EGF: variants seen among roughly 807,000 people sequenced by gnomAD.
The protein encoded by EGF is epidermal growth factor.
In EGF, 95 loss-of-function variants were observed where a neutral mutation model predicts 143.8. The ratio of observed to expected loss-of-function variants is 0.66; its 90% CI spans 0.56 to 0.78. The LOEUF (loss-of-function observed/expected upper bound fraction) is 0.78. Among genes scored for constraint, EGF ranks in the 30% least tolerant of loss-of-function variants. The pLI is 0.00. For synonymous variants in EGF, 510 were observed against 510.5 expected, an observed-to-expected ratio of 1.00 and a Z score of 0.01; for missense variants, 1,320 against 1,470.9, an observed-to-expected ratio of 0.90 and a Z score of 1.68.
intron 1 of EGF, among the ~76,000 whole-genome samples, chr4:109,939,263 C>T (rs543994633): frequency 3.0e-4 from 46 of 152,340 alleles, no homozygotes; most frequent in African/African-American, 1.1e-3. Flanking sequence ...TCCCTCCCTC[C>T]ACCAAGCTTT....
intron 22 of EGF, among the ~76,000 whole-genome samples, chr4:110,007,784 C>T (rs1753503921): frequency 6.6e-6 from 1 of 152,110 alleles, no homozygotes; most frequent in Non-Finnish European, 1.5e-5. Context: ...TTGTAGCACA[C>T]ACATATATTA....
At chr4:109,952,616 ATTAGT>A (rs1269887291) in intron 5 of EGF, among the ~76,000 whole-genome samples, 2 of 152,252 alleles carry the variant, frequency 1.3e-5, no homozygotes, top group Admixed American at 6.5e-5. Flanking sequence ...ATTTTAAATT[ATTAGT>A]TTAAACACAT....
chr4:109,985,559 G>T (rs189784879), intron 16 of EGF, among the ~76,000 whole-genome samples: 257 of 152,298 alleles, frequency 1.7e-3, no homozygotes, highest in African/African-American at 5.9e-3. Context: ...ATGTGTGCTA[G>T]TTGTTTTTTC....
intron 5 of EGF, among the ~76,000 whole-genome samples, chr4:109,958,842 C>T (rs1745206204): frequency 6.8e-6 from 1 of 146,312 alleles, no homozygotes; most frequent in Non-Finnish European, 1.5e-5. Flanking sequence ...CGCTTGAACA[C>T]AGAAGGCTGA....
At chr4:109,968,730 A>ACCTACCTACCTACCTACCT in intron 10 of EGF, 3 of 493,166 alleles carry the variant, frequency 6.1e-6, no homozygotes, top group East Asian at 8.2e-5. Context: ...CTACCTACCT[A>ACCTACCTACCTACCTACCT]ATAAGATTGA....
intron 1 of EGF, among the ~76,000 whole-genome samples, chr4:109,939,474 T>C (rs1741525796): frequency 6.6e-6 from 1 of 152,178 alleles, no homozygotes; most frequent in Non-Finnish European, 1.5e-5. Flanking sequence ...GAAAGGGAAA[T>C]CCCCTGACCC....
chr4:109,967,706 G>A (rs1309517795), intron 10 of EGF, among the ~76,000 whole-genome samples: 1 of 152,074 alleles, frequency 6.6e-6, no homozygotes, highest in Non-Finnish European at 1.5e-5. Flanking sequence ...CTTCGCATTG[G>A]CAAGAAATCT....
At chr4:109,998,943 A>G (rs17041176) in intron 20 of EGF, among the ~76,000 whole-genome samples, 4,133 of 152,360 alleles carry the variant, frequency 0.027, 205 homozygotes, top group African/African-American at 0.092. Context: ...AATTGTTTCT[A>G]GAAATGCACA....
chr4:109,987,810 CCACATGTCAGTGTTTGAA>C lies in EGF; in HGVS notation c.2559_2576del (p.Thr854_Lys859del), dbSNP rs1750355547. On this transcript the variant is annotated inframe_deletion, in exon 17 of 24. Transcript: ENST00000265171. Reference sequence around the variant, plus strand: ...CGGTGTATTTCAGAGGGAGAGGATGCCACATGTCAGTGTTTGAAAGGATTTGCTGGGGATGGAAAACTA... The same window carrying C: ...CGGTGTATTTCAGAGGGAGAGGATGCAGGATTTGCTGGGGATGGAAAACTA... 6.2e-7 allele frequency: 1 copy of C among 1,613,714 alleles called. No homozygotes were observed. Among genetic ancestry groups the C allele is most frequent in the Non-Finnish European group, 8.5e-7 (1 of 1,179,860 alleles).
At chr4:109,959,494 T>C (rs966769903) in intron 6 of EGF, 57 bp downstream of exon 6, 44 of 1,611,320 alleles carry the variant, frequency 2.7e-5, no homozygotes, top group Middle Eastern at 2.0e-4. Context: ...AGGGGAGGAA[T>C]GCTCAACTGA....
chr4:109,938,412 G>T (rs527518386), intron 1 of EGF, among the ~76,000 whole-genome samples: 2 of 152,224 alleles, frequency 1.3e-5, no homozygotes, highest in Admixed American at 6.5e-5. Context: ...TTATCCATTT[G>T]TCTCACCTTT....
At chr4:110,002,870 A>G (rs1298027426) in intron 21 of EGF, among the ~76,000 whole-genome samples, 2 of 152,066 alleles carry the variant, frequency 1.3e-5, no homozygotes, top group African/African-American at 4.8e-5. Context: ...TGTGTTCCTG[A>G]GTTCCCATCA....
intron 11 of EGF, among the ~76,000 whole-genome samples, chr4:109,971,414 A>G (rs1214391381): frequency 6.6e-6 from 1 of 152,184 alleles, no homozygotes. Flanking sequence ...CAGGAGGGTA[A>G]ACGATGATCA....
intron 1 of EGF, among the ~76,000 whole-genome samples, chr4:109,916,408 G>A (rs1457104123): frequency 6.6e-6 from 1 of 152,110 alleles, no homozygotes; most frequent in Non-Finnish European, 1.5e-5. Flanking sequence ...TTCTTGCCTG[G>A]ATTCAAATCC....
At chr4:109,992,166 T>G (rs1363416454) in intron 18 of EGF, among the ~76,000 whole-genome samples, 1 of 88,672 alleles carries the variant, frequency 1.1e-5, no homozygotes, top group Non-Finnish European at 2.0e-5. Context: ...CAAGCAAGAT[T>G]CTTTAAAAAA....
chr4:109,929,092 C>T (rs1040453509), intron 1 of EGF, among the ~76,000 whole-genome samples: 2 of 152,078 alleles, frequency 1.3e-5, no homozygotes, highest in Admixed American at 6.6e-5. Context: ...GGGAATCCAG[C>T]CTTATGGTGA....
At chr4:109,917,994 T>A (rs910832260) in intron 1 of EGF, among the ~76,000 whole-genome samples, 6 of 152,182 alleles carry the variant, frequency 3.9e-5, no homozygotes, top group African/African-American at 1.4e-4. Flanking sequence ...AGCATATGCT[T>A]CTAATAAACA....
At chr4:109,940,266 G>T (rs1045363848) in intron 1 of EGF, among the ~76,000 whole-genome samples, 1 of 152,136 alleles carries the variant, frequency 6.6e-6, no homozygotes, top group Non-Finnish European at 1.5e-5. Context: ...AAATAAAAAT[G>T]CAAAGTGCCC....
chr4:109,941,033 A>T lies in EGF; in HGVS notation c.215A>T (p.Asp72Val), dbSNP rs1741841795. 6.2e-7 allele frequency: 1 copy of T among 1,613,942 alleles called. No individual in the cohort carries two copies. Among genetic ancestry groups the T allele is most frequent in the Non-Finnish European group, 8.5e-7 (1 of 1,179,962 alleles). ...EGTNYEQLVVDAGVSVIMDFH... is the reference protein window; with the variant it reads ...EGTNYEQLVVVAGVSVIMDFH... ...ACCAATTATGAGCAATTGGTGGTGG[A>T]TGCTGGTGTCTCAGTGATCATGGAT... The change falls in exon 2 of 24, where the codon GAT (aspartate) becomes GTT (valine). Residue 72 changes from aspartate to valine, a missense_variant. This residue lies in a region of EGF where 9 missense variants were observed against 26.6 expected (regional missense o/e 0.34). Transcript: ENST00000265171.
Sources: allele counts gnomAD v4.1 joint callset (sites outside exome capture counted in the v4.1 genomes callset), GRCh38; gene constraint gnomAD v4.1.1; regional missense constraint gnomAD v4.1.1; transcripts MANE v1.5; gene names NCBI Gene and HGNC (gene_info 2026-07-23, HGNC 2026-07-21).